The following GRIN2B variants were observed in gnomAD, a reference collection of about 807,000 sequenced individuals.
The protein encoded by GRIN2B is glutamate ionotropic receptor NMDA type subunit 2B.
In GRIN2B, 5 loss-of-function variants were observed where a neutral mutation model predicts 114.5. That is an observed-to-expected ratio of 0.04 (90% confidence interval 0.02 to 0.09). The LOEUF (loss-of-function observed/expected upper bound fraction) is 0.09, where lower values mean the gene tolerates loss of function less well. Ranked by LOEUF, GRIN2B falls within the 10% of genes least tolerant of loss-of-function variation. The probability of loss-of-function intolerance (pLI) is 1.00; values close to 1 mark genes in which losing one functional copy is unlikely to be tolerated. For missense variants in GRIN2B, 1,108 were observed against 1,943.5 expected, an observed-to-expected ratio of 0.57 and a Z score of 8.08; for synonymous variants, 787 against 745.1, an observed-to-expected ratio of 1.06 and a Z score of -0.92.
chr12:13,883,425 G>A (rs959472209), intron 2 of GRIN2B, among the ~76,000 whole-genome samples: 1 of 152,110 alleles, frequency 6.6e-6, no homozygotes, highest in African/African-American at 2.4e-5. Flanking sequence ...AAAGTCTTGT[G>A]AATGTTCTTT....
intron 2 of GRIN2B, among the ~76,000 whole-genome samples, chr12:13,925,753 A>G (rs1866901364): frequency 1.3e-5 from 2 of 152,192 alleles, no homozygotes; most frequent in African/African-American, 4.8e-5. Flanking sequence ...TATTGAAGCT[A>G]TTAATAGTGC....
At chr12:13,874,991 G>A (rs531504434) in intron 2 of GRIN2B, among the ~76,000 whole-genome samples, 1 of 152,234 alleles carries the variant, frequency 6.6e-6, no homozygotes, top group East Asian at 1.9e-4. Context: ...TGCCATAGTA[G>A]TTTCCTGCAG....
intron 2 of GRIN2B, among the ~76,000 whole-genome samples, chr12:13,922,678 C>T (rs1014089705): frequency 2.6e-5 from 4 of 152,234 alleles, no homozygotes; most frequent in African/African-American, 9.6e-5. Context: ...GGAAAAGAGA[C>T]AAACAAAAAA....
chr12:13,907,956 A>G (rs529307574), intron 2 of GRIN2B, among the ~76,000 whole-genome samples: 2 of 152,328 alleles, frequency 1.3e-5, no homozygotes, highest in East Asian at 3.9e-4. Context: ...TTGGAAATGC[A>G]TACAGTATTT....
At chr12:13,634,074 A>G (rs1405795740) in intron 5 of GRIN2B, 1 of 152,216 alleles carries the variant, frequency 6.6e-6, no homozygotes, top group Non-Finnish European at 1.5e-5. Flanking sequence ...TCAAAGCAAA[A>G]TGAAAAACCC....
intron 10 of GRIN2B, among the ~76,000 whole-genome samples, chr12:13,590,532 G>C (rs1172601881): frequency 6.6e-6 from 1 of 152,134 alleles, no homozygotes; most frequent in African/African-American, 2.4e-5. Context: ...AGTTTGTTGA[G>C]AATGATGGCT....
chr12:13,780,270 T>A (rs909307317), intron 3 of GRIN2B, among the ~76,000 whole-genome samples: 17 of 152,102 alleles, frequency 1.1e-4, no homozygotes, highest in African/African-American at 4.1e-4. Context: ...GCATCCTTAT[T>A]TACCATAGAG....
intron 2 of GRIN2B, among the ~76,000 whole-genome samples, chr12:13,965,576 C>CACAG (rs1867777228): frequency 6.6e-6 from 1 of 151,598 alleles, no homozygotes; most frequent in Non-Finnish European, 1.5e-5. Context: ...CACACACACA[C>CACAG]ACACGTGTGT....
At chr12:13,834,895 A>G (rs929830850) in intron 3 of GRIN2B, among the ~76,000 whole-genome samples, 1 of 152,192 alleles carries the variant, frequency 6.6e-6, no homozygotes. Context: ...CAGACTCTTT[A>G]TGGGAGCGAC....
At chr12:13,598,180 T>C (rs1302039072) in intron 10 of GRIN2B, among the ~76,000 whole-genome samples, 1 of 152,188 alleles carries the variant, frequency 6.6e-6, no homozygotes, top group Non-Finnish European at 1.5e-5. Context: ...CCAGAGATGC[T>C]CTCAGGAAGA....
intron 4 of GRIN2B, among the ~76,000 whole-genome samples, chr12:13,684,477 C>A (rs751983470): frequency 1.3e-5 from 2 of 152,178 alleles, no homozygotes; most frequent in Non-Finnish European, 2.9e-5. Context: ...TGAAATTCCT[C>A]TTTGTGCTCA....
At chr12:13,895,686 T>C (rs1461318023) in intron 2 of GRIN2B, among the ~76,000 whole-genome samples, 1 of 152,222 alleles carries the variant, frequency 6.6e-6, no homozygotes, top group Non-Finnish European at 1.5e-5. Flanking sequence ...TAGCTATCCC[T>C]GCTTTGCAAT....
intron 2 of GRIN2B, among the ~76,000 whole-genome samples, chr12:13,898,435 C>T (rs1482869443): frequency 6.6e-6 from 1 of 152,240 alleles, no homozygotes; most frequent in Non-Finnish European, 1.5e-5. Context: ...TGAACCCAGG[C>T]TTGCCTGATT....
intron 2 of GRIN2B, among the ~76,000 whole-genome samples, chr12:13,868,147 A>G (rs1032081250): frequency 2.6e-5 from 4 of 152,160 alleles, no homozygotes; most frequent in Non-Finnish European, 4.4e-5. Flanking sequence ...AACACTGCCA[A>G]GAAGGAGACC....
chr12:13,672,776 C>T (rs1950035017), intron 5 of GRIN2B, among the ~76,000 whole-genome samples: 1 of 152,096 alleles, frequency 6.6e-6, no homozygotes, highest in African/African-American at 2.4e-5. Context: ...CCACAGAATT[C>T]CTTTAAACAG....
At position 13,564,646 on chromosome 12, in the gene GRIN2B, C is replaced by G. The variant is rs1948611363; in HGVS notation, c.2599-7G>C. On this transcript the variant is annotated splice_region_variant and splice_polypyrimidine_tract_variant and intron_variant, in intron 13 of 13. Transcript: ENST00000609686. This position sits in a 1 kb window ranked among gnomAD's most constrained non-coding sequence, Gnocchi z 4.8. ...GGATGCAGCTGTAGATACCCTGAAGCAAGAATGGAGGGACAGGTTAGATCT... is the reference window on the plus strand; with the variant it reads ...GGATGCAGCTGTAGATACCCTGAAGGAAGAATGGAGGGACAGGTTAGATCT... The G allele has an allele frequency of 1.2e-6, 2 of 1,613,044 alleles. No homozygotes were observed. Among genetic ancestry groups the G allele is most frequent in the Non-Finnish European group, 8.5e-7 (1 of 1,179,776 alleles).
chr12:13,835,056 A>T (rs1396146343), intron 3 of GRIN2B, among the ~76,000 whole-genome samples: 1 of 152,180 alleles, frequency 6.6e-6, no homozygotes, highest in African/African-American at 2.4e-5. Flanking sequence ...AAGAAACAGG[A>T]GAGTTAAATC....
At chr12:13,868,257 C>G (rs769113000) in intron 2 of GRIN2B, among the ~76,000 whole-genome samples, 1 of 152,158 alleles carries the variant, frequency 6.6e-6, no homozygotes, top group African/African-American at 2.4e-5. Flanking sequence ...ATCTCAGTGT[C>G]TCTGTGAAAA....
At chr12:13,706,419 T>C (rs949364350) in intron 4 of GRIN2B, among the ~76,000 whole-genome samples, 1 of 152,130 alleles carries the variant, frequency 6.6e-6, no homozygotes, top group Non-Finnish European at 1.5e-5. Flanking sequence ...AAATAAAGTA[T>C]CTTCCAGCAA....
Sources: allele counts gnomAD v4.1 joint callset (sites outside exome capture counted in the v4.1 genomes callset), GRCh38; gene constraint gnomAD v4.1.1; non-coding constraint Gnocchi (gnomAD v3.1); transcripts MANE v1.5; gene names NCBI Gene and HGNC (gene_info 2026-07-23, HGNC 2026-07-21).